ARHGAP32: variants seen among roughly 807,000 people sequenced by gnomAD.
The protein encoded by ARHGAP32 is Rho GTPase activating protein 32.
Under a neutral mutation model 186.5 loss-of-function variants are expected in ARHGAP32, and 51 were observed. The observed-to-expected ratio is 0.27, with a 90% CI of 0.22 to 0.35. ARHGAP32 has a LOEUF of 0.35. ARHGAP32 is among the 10% of genes least tolerant of loss of function. The pLI is 1.00. For missense variants in ARHGAP32, 2,186 were observed against 2,623.5 expected, an observed-to-expected ratio of 0.83 and a Z score of 3.64; for synonymous variants, 950 against 964.3, an observed-to-expected ratio of 0.99 and a Z score of 0.27.
At chr11:129,263,253 T>C (rs897805116) in intron 1 of ARHGAP32, among the ~76,000 whole-genome samples, 1 of 152,116 alleles carries the variant, frequency 6.6e-6, no homozygotes, top group Non-Finnish European at 1.5e-5. Context: ...AATATTAAAA[T>C]GTTTGTATAT....
intron 1 of ARHGAP32, among the ~76,000 whole-genome samples, chr11:129,199,062 T>G (rs917744442): frequency 1.3e-5 from 2 of 152,200 alleles, no homozygotes; most frequent in Non-Finnish European, 1.5e-5. Context: ...TGTGGAACTT[T>G]GAACTTGAGG....
intron 20 of ARHGAP32, among the ~76,000 whole-genome samples, chr11:128,975,969 T>C (rs1338099132): frequency 6.6e-6 from 1 of 152,030 alleles, no homozygotes; most frequent in African/African-American, 2.4e-5. Flanking sequence ...TCCCAGCTAT[T>C]TGGGAGGCTG....
intron 6 of ARHGAP32, among the ~76,000 whole-genome samples, chr11:129,069,974 T>C (rs1326487078): frequency 6.6e-6 from 1 of 152,040 alleles, no homozygotes; most frequent in East Asian, 1.9e-4. Context: ...TGGTGTATTA[T>C]AAGGTAATCT....
intron 1 of ARHGAP32, among the ~76,000 whole-genome samples, chr11:129,220,778 T>C (rs749096970): frequency 6.6e-6 from 1 of 152,170 alleles, no homozygotes; most frequent in Non-Finnish European, 1.5e-5. Context: ...CTAGTAACTG[T>C]TTTTGTGTAG....
At chr11:129,232,383 A>G (rs891602374) in intron 1 of ARHGAP32, among the ~76,000 whole-genome samples, 1 of 152,198 alleles carries the variant, frequency 6.6e-6, no homozygotes, top group Non-Finnish European at 1.5e-5. Flanking sequence ...TATTATTTCT[A>G]TTTGAAAGAA....
At chr11:129,023,189 G>A (rs1011980613) in intron 11 of ARHGAP32, among the ~76,000 whole-genome samples, 4 of 152,054 alleles carry the variant, frequency 2.6e-5, no homozygotes, top group Admixed American at 6.6e-5. Flanking sequence ...ATTTATTACC[G>A]AGGTCTAAAG....
intron 5 of ARHGAP32, among the ~76,000 whole-genome samples, chr11:129,116,596 A>G (rs1404738563): frequency 6.6e-6 from 1 of 152,120 alleles, no homozygotes; most frequent in Non-Finnish European, 1.5e-5. Context: ...ATGTAGTAAC[A>G]GTACTTCTGT....
chr11:128,988,478 C>A (rs1041559421), intron 12 of ARHGAP32, among the ~76,000 whole-genome samples: 2 of 152,264 alleles, frequency 1.3e-5, no homozygotes, highest in East Asian at 3.9e-4. Flanking sequence ...AACACCATGC[C>A]AGATTTTTAA....
intron 20 of ARHGAP32, among the ~76,000 whole-genome samples, chr11:128,976,357 A>G (rs1945541739): frequency 6.6e-6 from 1 of 152,188 alleles, no homozygotes; most frequent in South Asian, 2.1e-4. Context: ...AATAGCAGTC[A>G]TGCCAAAAAT....
At chr11:129,145,533 T>C (rs1405115550) in intron 2 of ARHGAP32, among the ~76,000 whole-genome samples, 1 of 152,088 alleles carries the variant, frequency 6.6e-6, no homozygotes, top group African/African-American at 2.4e-5. Flanking sequence ...TTTCCTTGAA[T>C]ATCTTGTAAG....
In ARHGAP32 at chr11:129,062,434, G is replaced by A. The variant is rs569762483; in HGVS notation, c.886-77C>T. On this transcript the variant is annotated intron_variant, in intron 9 of 22. Transcript: ENST00000682385. Reference sequence around the variant, plus strand: ...ATTGTTATACCTAGAATTTAAATCCGAACTGTATGAAAAGGTAAAGTACTA... The same window carrying A: ...ATTGTTATACCTAGAATTTAAATCCAAACTGTATGAAAAGGTAAAGTACTA... 3.2e-5 allele frequency: 39 copies of A among 1,236,550 alleles called. 1 individual carries two copies. Among genetic ancestry groups the A allele is most frequent in the Admixed American group, 1.6e-4 (9 of 56,080 alleles). The allele number at this position is 1,236,550 out of a possible 1,614,324, so 76.6% of individuals were successfully genotyped here.
chr11:129,212,335 C>G (rs917987300), intron 1 of ARHGAP32, among the ~76,000 whole-genome samples: 1 of 151,926 alleles, frequency 6.6e-6, no homozygotes, highest in African/African-American at 2.4e-5. Context: ...AACTAGTTGC[C>G]TAATATGAAA....
chr11:129,132,692 T>C (rs1942838935), intron 2 of ARHGAP32, among the ~76,000 whole-genome samples: 1 of 152,092 alleles, frequency 6.6e-6, no homozygotes, highest in Admixed American at 6.5e-5. Flanking sequence ...TAATTAAAAA[T>C]TACTAGCTAT....
intron 12 of ARHGAP32, among the ~76,000 whole-genome samples, chr11:128,989,623 C>T (rs546269406): frequency 2.7e-5 from 4 of 150,224 alleles, no homozygotes; most frequent in South Asian, 2.1e-4. Flanking sequence ...AGTTTTGTTA[C>T]GTAAGTATAC....
chr11:129,201,562 G>A (rs776537289), intron 1 of ARHGAP32, among the ~76,000 whole-genome samples: 8 of 151,954 alleles, frequency 5.3e-5, no homozygotes, highest in South Asian at 2.1e-4. Flanking sequence ...TTATATCTAC[G>A]GATAAATCAA....
intron 2 of ARHGAP32, among the ~76,000 whole-genome samples, chr11:129,138,019 A>T (rs1280566537): frequency 1.3e-5 from 2 of 152,034 alleles, no homozygotes; most frequent in African/African-American, 4.8e-5. Context: ...AAAATATATG[A>T]CATACATTTA....
At chr11:129,079,338 CTG>C (rs1383590720) in intron 6 of ARHGAP32, among the ~76,000 whole-genome samples, 5 of 152,090 alleles carry the variant, frequency 3.3e-5, no homozygotes, top group Admixed American at 3.3e-4. Context: ...ACCATAAGAG[CTG>C]TGAGGCAAAA....
At chr11:129,010,232 T>C (rs530893470) in intron 11 of ARHGAP32, among the ~76,000 whole-genome samples, 32 of 152,306 alleles carry the variant, frequency 2.1e-4, no homozygotes, top group African/African-American at 7.2e-4. Flanking sequence ...TTTTCTTCCA[T>C]TATGTAGGCT....
intron 1 of ARHGAP32, among the ~76,000 whole-genome samples, chr11:129,278,560 G>T (rs527723828): frequency 2.6e-4 from 40 of 152,278 alleles, no homozygotes; most frequent in African/African-American, 9.4e-4. Flanking sequence ...AAGGTACAGG[G>T]GTGGCGAGGA....
Sources: gnomAD v4.1 joint callset for allele counts (sites outside exome capture counted in the v4.1 genomes callset) on GRCh38, gnomAD v4.1.1 for gene constraint, MANE v1.5 for transcripts, NCBI Gene and HGNC (gene_info 2026-07-23, HGNC 2026-07-21) for gene names.